Variants in CLDN14 observed in about 807,000 individuals in gnomAD.
CLDN14 encodes the protein claudin-14.
CLDN14 carries 2 observed loss-of-function variants against 2.1 expected under a neutral mutation model. That is an observed-to-expected ratio of 0.96 (90% CI 0.39 to 3.01). The LOEUF (loss-of-function observed/expected upper bound fraction) is 3.01, where lower values mean the gene tolerates loss of function less well. Ranked by LOEUF, CLDN14 falls within the 30% of genes most tolerant of loss-of-function variation. The pLI, the probability that CLDN14 is intolerant of heterozygous loss-of-function variation, is 0.09. For missense variants in CLDN14, 298 were observed against 328.0 expected (o/e 0.91, Z 0.71); for synonymous variants, 136 against 154.4 (o/e 0.88, Z 0.88).
intron 1 of CLDN14, among the ~76,000 whole-genome samples, chr21:36,479,168 C>G (rs2086814636): frequency 6.6e-6 from 1 of 152,202 alleles, no homozygotes; most frequent in African/African-American, 2.4e-5. Context: ...CCTCAAAACA[C>G]TGAACAGATT....
chr21:36,575,137 T>C (rs2087732614), intron 1 of CLDN14, among the ~76,000 whole-genome samples: 1 of 152,262 alleles, frequency 6.6e-6, no homozygotes, highest in African/African-American at 2.4e-5. Context: ...AAATGAATCC[T>C]GATTACCAAC....
At chr21:36,484,194 G>A (rs2086873130), upstream of CLDN14, among the ~76,000 whole-genome samples, 1 of 152,240 alleles carries the variant, frequency 6.6e-6, no homozygotes, top group Admixed American at 6.5e-5. Context: ...AAAGACGAGT[G>A]AGGTAGGAAG....
chr21:36,501,923 C>CTTT lies in CLDN14; in HGVS notation c.-82+8437_-82+8439dup, dbSNP rs10691614. ...GAAAGTCTTATGAATTTGAAAAGAC[C>CTTT]TTTTTTTTTTTTTTAAATCAAATCC... On this transcript the variant is annotated intron_variant, in intron 2 of 2. Coordinates refer to the CLDN14 transcript ENST00000342108. Among the ~76,000 whole-genome samples the CTTT allele has an allele frequency of 1.0e-3, 153 of 148,566 alleles. 1 individual carries two copies. Among genetic ancestry groups the CTTT allele is most frequent in the African/African-American group, 3.4e-3 (138 of 40,342 alleles).
intron 1 of CLDN14, among the ~76,000 whole-genome samples, chr21:36,478,369 A>G (rs1326486107): frequency 1.3e-5 from 2 of 152,202 alleles, no homozygotes; most frequent in African/African-American, 4.8e-5. Flanking sequence ...TGCTCAGCCT[A>G]TTACTCACTG....
At chr21:36,517,618 A>C (rs1568866673) in intron 1 of CLDN14, among the ~76,000 whole-genome samples, 1 of 152,208 alleles carries the variant, frequency 6.6e-6, no homozygotes, top group African/African-American at 2.4e-5. Flanking sequence ...GTAGGCAGGG[A>C]CTAAAAATGT....
Position 36,551,619 on chromosome 21 carries a change from G to T in CLDN14, c.-220+24792C>A, listed in dbSNP as rs1455228868. 6.6e-6 allele frequency among the ~76,000 whole-genome samples: 1 copy of T among 152,150 alleles called. No homozygotes were observed. The highest frequency in any genetic ancestry group is 2.4e-5 in the African/African-American group (1 of 41,404). ...TGATCTGGATCTGAGATGCCGCCTT[G>T]GGTGGTGGGTAGAGGGATGACCCTG... On this transcript the variant is annotated intron_variant, in intron 1 of 2. Transcript: ENST00000342108. This position sits in a 1 kb window ranked among gnomAD's most constrained non-coding sequence, Gnocchi z 4.8.
At position 36,479,832 on chromosome 21, in the gene CLDN14, A is replaced by G. The variant is rs1429854073; in HGVS notation, c.-419T>C. The G allele has an allele frequency of 6.6e-6, 1 of 152,326 alleles. No homozygotes were observed. Among genetic ancestry groups the G allele is most frequent in the Non-Finnish European group, 1.5e-5 (1 of 68,158 alleles). The allele number at this position is 152,326 out of a possible 1,614,324, so 9.4% of individuals were successfully genotyped here. ...GGAAAAAAAATGCACGATACACCTG[A>G]ACCTGGGCATCTCCTTCCTAACACG... On this transcript the variant is annotated 5_prime_UTR_variant, in exon 1 of 2. Transcript: ENST00000399135.
At chr21:36,492,043 C>T (rs188433065) in intron 2 of CLDN14, among the ~76,000 whole-genome samples, 3 of 152,248 alleles carry the variant, frequency 2.0e-5, no homozygotes, top group Admixed American at 1.3e-4. Flanking sequence ...GTGGCTCACG[C>T]CTGTAATCCC....
At chr21:36,511,889 CTAGAA>C (rs2087189632) in intron 1 of CLDN14, among the ~76,000 whole-genome samples, 1 of 152,132 alleles carries the variant, frequency 6.6e-6, no homozygotes, top group Admixed American at 6.6e-5. Flanking sequence ...ACCAAAGGGT[CTAGAA>C]TAGGTTTATT....
chr21:36,510,144 A>G (rs1268898822), intron 2 of CLDN14, among the ~76,000 whole-genome samples: 1 of 152,184 alleles, frequency 6.6e-6, no homozygotes, highest in African/African-American at 2.4e-5. Context: ...TGGGCCAGTC[A>G]AGCGCTGAGC....
chr21:36,556,624 A>G (rs1229929927), intron 1 of CLDN14, among the ~76,000 whole-genome samples: 3 of 152,202 alleles, frequency 2.0e-5, no homozygotes, highest in Non-Finnish European at 4.4e-5. Flanking sequence ...AGGATGACCG[A>G]TATAAAAACA....
At chr21:36,549,829 G>T (rs180782081) in intron 1 of CLDN14, among the ~76,000 whole-genome samples, 1 of 152,292 alleles carries the variant, frequency 6.6e-6, no homozygotes, top group Admixed American at 6.5e-5. Flanking sequence ...ATTCCTACTC[G>T]CAATCGTCCC....
chr21:36,560,536 C>T (rs1411572312), intron 1 of CLDN14, among the ~76,000 whole-genome samples: 1 of 152,140 alleles, frequency 6.6e-6, no homozygotes, highest in African/African-American at 2.4e-5. Context: ...TGTGAATGTG[C>T]TATTTTACAT....
chr21:36,530,082 G>T (rs1236347461), intron 1 of CLDN14, among the ~76,000 whole-genome samples: 1 of 152,152 alleles, frequency 6.6e-6, no homozygotes, highest in Non-Finnish European at 1.5e-5. Context: ...CTTTGCATCG[G>T]ATTTCAGTTC....
intron 1 of CLDN14, among the ~76,000 whole-genome samples, chr21:36,529,174 A>G (rs1253677930): frequency 6.6e-6 from 1 of 152,194 alleles, no homozygotes; most frequent in Non-Finnish European, 1.5e-5. Flanking sequence ...TCTTAATCTA[A>G]AAATGCTTTC....
At chr21:36,478,582 G>A (rs940741652) in intron 1 of CLDN14, among the ~76,000 whole-genome samples, 2 of 152,214 alleles carry the variant, frequency 1.3e-5, no homozygotes, top group Non-Finnish European at 2.9e-5. Flanking sequence ...GGGCATGAAC[G>A]CTGAGCTCAG....
chr21:36,484,295 T>C (rs1266049910), upstream of CLDN14, among the ~76,000 whole-genome samples: 1 of 152,234 alleles, frequency 6.6e-6, no homozygotes, highest in Non-Finnish European at 1.5e-5. Context: ...TTGTACTTTC[T>C]GACGTGAACA....
intron 2 of CLDN14, among the ~76,000 whole-genome samples, chr21:36,493,933 G>A (rs557482460): frequency 7.5e-4 from 114 of 152,296 alleles, no homozygotes; most frequent in Non-Finnish European, 1.5e-3. Context: ...GTCCTGGCTG[G>A]GAGCCAGTGG....
At position 36,498,831 on chromosome 21, in the gene CLDN14, G is replaced by A. The variant is rs1048220201; in HGVS notation, c.-82+11532C>T. 6.6e-6 allele frequency among the ~76,000 whole-genome samples: 1 copy of A among 152,144 alleles called. No homozygotes were observed. The highest frequency in any genetic ancestry group is 2.4e-5 in the African/African-American group (1 of 41,436). ...CCATCAGCCCTGCACGAAGGTGGCC[G>A]CTGAGGGGCCCTCATGGGGGCTGAA... On this transcript the variant is annotated intron_variant, in intron 2 of 2. Transcript: ENST00000342108. The surrounding 1 kb of genome is among the most constrained non-coding windows in gnomAD (Gnocchi z 4.9).
Sources: gnomAD v4.1 joint callset for allele counts (sites outside exome capture counted in the v4.1 genomes callset) on GRCh38, gnomAD v4.1.1 for gene constraint, Gnocchi (gnomAD v3.1) non-coding constraint, MANE v1.5 for transcripts, NCBI Gene and HGNC (gene_info 2026-07-23, HGNC 2026-07-21) for gene names.